CABIN1: variants seen among roughly 807,000 people sequenced by gnomAD.
The protein encoded by CABIN1 is calcineurin-binding protein cabin-1.
CABIN1 carries 133 observed loss-of-function variants against 227.7 expected under a neutral mutation model. That is an observed-to-expected ratio of 0.58 (90% confidence interval 0.51 to 0.67). The LOEUF (loss-of-function observed/expected upper bound fraction) is 0.67. Among genes scored for constraint, CABIN1 ranks in the 30% least tolerant of loss-of-function variants. CABIN1 has a pLI of 0.00. For missense variants in CABIN1, 2,408 were observed against 2,852.5 expected, an observed-to-expected ratio of 0.84 and a Z score of 3.55; for synonymous variants, 1,086 against 1,155.1, an observed-to-expected ratio of 0.94 and a Z score of 1.21.
chr22:24,104,611 C>T (rs1004039413), intron 26 of CABIN1, among the ~76,000 whole-genome samples: 8 of 152,180 alleles, frequency 5.3e-5, no homozygotes, highest in African/African-American at 1.9e-4. Flanking sequence ...GTGTATCTTC[C>T]TCTCTCTCAG....
At chr22:24,028,026 C>A (rs1246956082) in intron 1 of CABIN1, among the ~76,000 whole-genome samples, 1 of 151,546 alleles carries the variant, frequency 6.6e-6, no homozygotes, top group South Asian at 2.1e-4. Flanking sequence ...GAATATCTAT[C>A]ACAATAAAGC....
At chr22:24,128,334 T>G (rs1422139444) in intron 28 of CABIN1, among the ~76,000 whole-genome samples, 3 of 152,164 alleles carry the variant, frequency 2.0e-5, no homozygotes, top group Admixed American at 1.3e-4. Flanking sequence ...TTACACTAAC[T>G]CCTTAATATT....
At chr22:24,072,626 C>T (rs1254876248) in intron 18 of CABIN1, 116 bp downstream of exon 18, 5 of 1,243,522 alleles carry the variant, frequency 4.0e-6, no homozygotes, top group Non-Finnish European at 5.8e-6. Flanking sequence ...TCAGTCCTCT[C>T]AATCCCAGGA....
chr22:24,112,703 T>A (rs1168226659), intron 26 of CABIN1, among the ~76,000 whole-genome samples: 1 of 152,160 alleles, frequency 6.6e-6, no homozygotes, highest in South Asian at 2.1e-4. Context: ...CCTTCAGTGG[T>A]AGGAGACCTC....
At position 24,112,569 on chromosome 22, in the gene CABIN1, T is replaced by C. The variant is rs2042867798; in HGVS notation, c.4118-997T>C. 2.0e-5 allele frequency among the ~76,000 whole-genome samples: 3 copies of C among 152,258 alleles called. No homozygotes were observed. The South Asian group carries it at 6.2e-4, about 32-fold the overall frequency. On this transcript the variant is annotated intron_variant, in intron 26 of 36. Transcript: ENST00000263119. ...GTAGACTCCCTTGCTTGTTACTCAGTGCATGCCAGCCTAGGGTTGGGGACA... is the reference window on the plus strand; with the variant it reads ...GTAGACTCCCTTGCTTGTTACTCAGCGCATGCCAGCCTAGGGTTGGGGACA...
chr22:24,154,694 G>A (rs2045678957), intron 29 of CABIN1, among the ~76,000 whole-genome samples: 1 of 152,224 alleles, frequency 6.6e-6, no homozygotes, highest in South Asian at 2.1e-4. Flanking sequence ...CTGAGGCACT[G>A]CCTCTTGAGT....
chr22:24,054,484 C>A (rs553827416), intron 8 of CABIN1, among the ~76,000 whole-genome samples: 1 of 152,182 alleles, frequency 6.6e-6, no homozygotes, highest in African/African-American at 2.4e-5. Flanking sequence ...AAAACAGATT[C>A]GTGGCAGCAG....
chr22:24,116,202 T>G (rs974913124), intron 27 of CABIN1, among the ~76,000 whole-genome samples: 1 of 152,154 alleles, frequency 6.6e-6, no homozygotes, highest in Non-Finnish European at 1.5e-5. Flanking sequence ...AAAAAAAGTC[T>G]AAAATATGAA....
chr22:24,064,129 G>A lies in CABIN1; in HGVS notation c.1979G>A (p.Arg660Lys). Residue 660 changes from arginine to lysine, a missense_variant, in exon 15 of 37, where the codon AGA (arginine) becomes AAA (lysine). By Grantham distance (26) the Arg-to-Lys change is conservative. This residue lies in a region of CABIN1 where 1,045 missense variants were observed against 1,168.4 expected (regional missense o/e 0.89). Transcript: ENST00000263119. ...AIQVEAGAER[R>K]DIVIRLPNLH... is the part of the protein sequence containing the mutation. ...CAGGTGGAGGCAGGGGCTGAACGAAGAGACATTGTCATCCGGCTGCCCAAC... is the reference window on the plus strand; with the variant it reads ...CAGGTGGAGGCAGGGGCTGAACGAAAAGACATTGTCATCCGGCTGCCCAAC... 6.2e-7 allele frequency: 1 copy of A among 1,614,244 alleles called. No homozygotes were observed. Among genetic ancestry groups the A allele is most frequent in the African/African-American group, 1.3e-5 (1 of 75,052 alleles).
In CABIN1 at chr22:24,063,236, A is replaced by ATG. The variant is rs145495810; in HGVS notation, c.1884+111_1884+112dup. 0.016 allele frequency: 17,665 copies of ATG among 1,097,546 alleles called. 321 individuals carry two copies. Among genetic ancestry groups the ATG allele is most frequent in the African/African-American group, 0.11 (7,150 of 63,226 alleles). The allele number at this position is 1,097,546 out of a possible 1,614,324, so 68.0% of individuals were successfully genotyped here. A position where few individuals can be genotyped will look rare whatever the true frequency, so the allele number is the denominator to read the frequency against. On this transcript the variant is annotated intron_variant, in intron 14 of 36. Transcript: ENST00000263119. The stretch of plus-strand genomic sequence containing the variant: ...GACCATGTTGAGGGTGTGTGTGTGT[A>ATG]TGTGTGTGTGTGTGTGTGTGTGCAT...
At chr22:24,049,254 C>A (rs760334209) in intron 7 of CABIN1, 34 bp downstream of exon 7, 1 of 1,608,782 alleles carries the variant, frequency 6.2e-7, no homozygotes, top group Non-Finnish European at 8.5e-7. Context: ...CATGTGTGCA[C>A]GCTTACTGTG....
Position 24,076,229 on chromosome 22 carries a change from A to G in CABIN1, c.2693A>G (p.Tyr898Cys), listed in dbSNP as rs907061973. The G allele has an allele frequency of 6.2e-7, 1 of 1,614,062 alleles. No individual in the cohort carries two copies. The highest frequency in any genetic ancestry group is 8.5e-7 in the Non-Finnish European group (1 of 1,179,994). Residue 898 changes from tyrosine (Y) to cysteine (C), a missense_variant, in exon 19 of 37, where the codon TAT (tyrosine) becomes TGT (cysteine). Tyr to Cys is a radical substitution (Grantham distance 194). This residue lies in a region of CABIN1 where 1,045 missense variants were observed against 1,168.4 expected (regional missense o/e 0.89). Transcript: ENST00000263119. ...SLMLLNTAHE[Y>C]LGRRSWCCNS... Reference sequence around the variant, plus strand: ...ATGCTGCTGAACACAGCCCACGAGTATTTGGGCAGAAGGTCCTGGTGCTGC... The same window carrying G: ...ATGCTGCTGAACACAGCCCACGAGTGTTTGGGCAGAAGGTCCTGGTGCTGC...
intron 33 of CABIN1, among the ~76,000 whole-genome samples, chr22:24,169,673 T>C (rs2046672958): frequency 6.6e-6 from 1 of 152,034 alleles, no homozygotes; most frequent in African/African-American, 2.4e-5. Flanking sequence ...CAGGCCCAGG[T>C]CCACCAGGGT....
intron 10 of CABIN1, 120 bp from the exon 11 acceptor site, chr22:24,059,107 C>T (rs1003700492): frequency 1.6e-6 from 2 of 1,289,300 alleles, no homozygotes; most frequent in Admixed American, 1.8e-5. Context: ...TGGACCCCAC[C>T]ACCCACTTAT....
At chr22:24,020,770 T>C (rs2035661220) in intron 1 of CABIN1, among the ~76,000 whole-genome samples, 1 of 152,164 alleles carries the variant, frequency 6.6e-6, no homozygotes, top group Non-Finnish European at 1.5e-5. Flanking sequence ...AGCATTATGA[T>C]TGGCAAGTGT....
chr22:24,020,021 G>T (rs2035607907), intron 1 of CABIN1, among the ~76,000 whole-genome samples: 1 of 152,124 alleles, frequency 6.6e-6, no homozygotes, highest in African/African-American at 2.4e-5. Flanking sequence ...TATTGCACAG[G>T]TGGATAGTAG....
At chr22:24,053,983 T>C (rs1243008832) in intron 8 of CABIN1, among the ~76,000 whole-genome samples, 1 of 152,038 alleles carries the variant, frequency 6.6e-6, no homozygotes, top group Non-Finnish European at 1.5e-5. Context: ...AGGGCTATGC[T>C]GTGGGAGGGG....
At chr22:24,028,395 C>T (rs962534030) in intron 1 of CABIN1, among the ~76,000 whole-genome samples, 22 of 152,182 alleles carry the variant, frequency 1.4e-4, no homozygotes, top group African/African-American at 5.1e-4. Context: ...TATGGGAGTG[C>T]TACAGTCCAT....
At chr22:24,036,316 A>G (rs1253789523) in intron 3 of CABIN1, 135 bp downstream of exon 3, 1 of 726,436 alleles carries the variant, frequency 1.4e-6, no homozygotes, top group African/African-American at 1.8e-5. Context: ...CTAGCTCTCC[A>G]TCTCCTGTTA....
Sources: allele counts gnomAD v4.1 joint callset (sites outside exome capture counted in the v4.1 genomes callset), GRCh38; gene constraint gnomAD v4.1.1; regional missense constraint gnomAD v4.1.1; transcripts MANE v1.5; gene names NCBI Gene and HGNC (gene_info 2026-07-23, HGNC 2026-07-21).